The following GUCY1A2 variants were observed in gnomAD, a reference collection of about 807,000 sequenced individuals.
GUCY1A2 encodes the protein guanylate cyclase 1 soluble subunit alpha 2, also known as guanylate cyclase soluble subunit alpha-2.
In GUCY1A2, 27 loss-of-function variants were observed where a neutral mutation model predicts 63.5. That is an observed-to-expected ratio of 0.43 (90% CI 0.31 to 0.59). The LOEUF (loss-of-function observed/expected upper bound fraction) is 0.59, where lower values mean the gene tolerates loss of function less well. Ranked by LOEUF, GUCY1A2 falls within the 20% of genes least tolerant of loss-of-function variation. The pLI is 0.11. For synonymous variants in GUCY1A2, 364 were observed against 343.5 expected, an observed-to-expected ratio of 1.06 and a Z score of -0.66; for missense variants, 768 against 913.3, an observed-to-expected ratio of 0.84 and a Z score of 2.05.
At chr11:106,956,103 C>T (rs536480385) in intron 3 of GUCY1A2, among the ~76,000 whole-genome samples, 16 of 151,544 alleles carry the variant, frequency 1.1e-4, no homozygotes, top group African/African-American at 2.7e-4. Flanking sequence ...GTGTATGCTT[C>T]GTGAAGTTCT....
chr11:106,895,406 C>T (rs528579891), intron 4 of GUCY1A2, among the ~76,000 whole-genome samples: 1 of 152,246 alleles, frequency 6.6e-6, no homozygotes, highest in South Asian at 2.1e-4. Flanking sequence ...CCCACCAAAT[C>T]TTATCTTGAA....
chr11:106,950,866 A>AC (rs1860897990), intron 3 of GUCY1A2, among the ~76,000 whole-genome samples: 1 of 152,022 alleles, frequency 6.6e-6, no homozygotes, highest in African/African-American at 2.4e-5. Context: ...GCACCTATTG[A>AC]CCCATCCTCT....
At chr11:106,871,931 T>C (rs1166200725) in intron 4 of GUCY1A2, among the ~76,000 whole-genome samples, 1 of 152,184 alleles carries the variant, frequency 6.6e-6, no homozygotes, top group African/African-American at 2.4e-5. Flanking sequence ...TATTTTATAT[T>C]GCAAATTCTG....
intron 4 of GUCY1A2, chr11:106,936,852 G>A: frequency 1.9e-6 from 1 of 522,820 alleles, no homozygotes; most frequent in Non-Finnish European, 3.3e-6. Flanking sequence ...TCTTATAAAA[G>A]CCAACTAAAA....
chr11:106,956,675 G>A (rs1157380722), intron 3 of GUCY1A2, among the ~76,000 whole-genome samples: 7 of 152,130 alleles, frequency 4.6e-5, no homozygotes, highest in Admixed American at 4.6e-4. Flanking sequence ...TGGGACCTCT[G>A]ACCTCGACAG....
chr11:106,960,873 T>C (rs1861049405), intron 3 of GUCY1A2, among the ~76,000 whole-genome samples: 1 of 152,050 alleles, frequency 6.6e-6, no homozygotes, highest in Admixed American at 6.6e-5. Context: ...CAGACCAATT[T>C]TCTAATTATC....
chr11:106,752,354 GT>G (rs1863895403), intron 6 of GUCY1A2, among the ~76,000 whole-genome samples: 2 of 152,046 alleles, frequency 1.3e-5, no homozygotes, highest in Admixed American at 1.3e-4. Context: ...GTTCAAAAAG[GT>G]TTATTCAATA....
intron 6 of GUCY1A2, among the ~76,000 whole-genome samples, chr11:106,741,842 C>A (rs1376865344): frequency 6.6e-6 from 1 of 152,158 alleles, no homozygotes; most frequent in East Asian, 1.9e-4. Flanking sequence ...TGTCAACAAT[C>A]AAGTGCACTG....
chr11:106,776,853 G>A (rs942902056), intron 5 of GUCY1A2, among the ~76,000 whole-genome samples: 3 of 151,996 alleles, frequency 2.0e-5, no homozygotes, highest in South Asian at 2.1e-4. Flanking sequence ...TATCCCCCAC[G>A]AAAACAGGAC....
intron 5 of GUCY1A2, among the ~76,000 whole-genome samples, chr11:106,790,193 T>C (rs72994971): frequency 0.017 from 2,533 of 152,228 alleles, 32 homozygotes; most frequent in Non-Finnish European, 0.025. Context: ...GTGGTTGAGC[T>C]GGCCCTGAAA....
chr11:106,983,670 T>C (rs1861365996), intron 2 of GUCY1A2, among the ~76,000 whole-genome samples: 1 of 152,230 alleles, frequency 6.6e-6, no homozygotes, highest in African/African-American at 2.4e-5. Context: ...CATACTCTGT[T>C]ACCTGTTCTG....
At position 106,990,268 on chromosome 11, in the gene GUCY1A2, C is replaced by T. The variant is rs114251232; in HGVS notation, c.304-4137G>A. 7.2e-3 allele frequency among the ~76,000 whole-genome samples: 1,103 copies of T among 152,316 alleles called. 11 individuals are homozygous for T. The highest frequency in any genetic ancestry group is 0.024 in the African/African-American group (997 of 41,576). On this transcript the variant is annotated intron_variant, in intron 1 of 7. Transcript: ENST00000526355. ...AGAGAGGGTACCCAAAAGCCTCCATCATATGGCGGCAAAAAGCCATCTTCA... is the reference window on the plus strand; with the variant it reads ...AGAGAGGGTACCCAAAAGCCTCCATTATATGGCGGCAAAAAGCCATCTTCA...
At chr11:106,715,810 G>A (rs1279072744) in intron 6 of GUCY1A2, among the ~76,000 whole-genome samples, 1 of 152,172 alleles carries the variant, frequency 6.6e-6, no homozygotes, top group Non-Finnish European at 1.5e-5. Flanking sequence ...TAAGTGCTCA[G>A]AGTATAAACA....
chr11:106,975,604 A>G (rs1216048893), intron 3 of GUCY1A2, among the ~76,000 whole-genome samples: 1 of 152,198 alleles, frequency 6.6e-6, no homozygotes, highest in Admixed American at 6.5e-5. Context: ...GCACCAAAAT[A>G]TGGTGAAGAG....
intron 5 of GUCY1A2, among the ~76,000 whole-genome samples, chr11:106,793,688 C>T (rs61905194): frequency 0.022 from 3,366 of 151,988 alleles, 58 homozygotes; most frequent in Middle Eastern, 0.054. Flanking sequence ...TAAAAATGAA[C>T]AAAGGACCTG....
intron 5 of GUCY1A2, among the ~76,000 whole-genome samples, chr11:106,794,587 A>T (rs1157659236): frequency 6.6e-6 from 1 of 152,150 alleles, no homozygotes; most frequent in African/African-American, 2.4e-5. Flanking sequence ...TAATCATTAT[A>T]CAATCTATGC....
intron 7 of GUCY1A2, 77 bp downstream of exon 7, chr11:106,708,435 A>G: frequency 8.7e-7 from 1 of 1,146,270 alleles, no homozygotes; most frequent in East Asian, 2.5e-5. Flanking sequence ...AAGAAAAAGA[A>G]CAGGGACTCA....
chr11:106,771,107 T>C (rs954564551), intron 6 of GUCY1A2, among the ~76,000 whole-genome samples: 1 of 152,116 alleles, frequency 6.6e-6, no homozygotes, highest in African/African-American at 2.4e-5. Context: ...CTCAATATTC[T>C]TCAAAAGCCT....
intron 1 of GUCY1A2, among the ~76,000 whole-genome samples, chr11:107,006,703 C>T (rs1387205707): frequency 6.6e-6 from 1 of 152,168 alleles, no homozygotes; most frequent in Non-Finnish European, 1.5e-5. Flanking sequence ...TTATCAAGCA[C>T]TTGATTATCT....
Sources: gnomAD v4.1 joint callset for allele counts (sites outside exome capture counted in the v4.1 genomes callset) on GRCh38, gnomAD v4.1.1 for gene constraint, MANE v1.5 for transcripts, NCBI Gene and HGNC (gene_info 2026-07-23, HGNC 2026-07-21) for gene names.